Variants in SLC25A28 observed in about 807,000 individuals in gnomAD.
SLC25A28 encodes mitoferrin-2.
SLC25A28 carries 10 observed loss-of-function variants against 31.9 expected under a neutral mutation model. That is an observed-to-expected ratio of 0.31 (90% CI 0.19 to 0.53). The LOEUF (loss-of-function observed/expected upper bound fraction) is 0.53, where lower values mean the gene tolerates loss of function less well. SLC25A28 is among the 20% of genes least tolerant of loss of function. The probability of loss-of-function intolerance (pLI) is 0.95; values close to 1 mark genes in which losing one functional copy is unlikely to be tolerated. For missense variants in SLC25A28, 256 were observed against 490.3 expected, an observed-to-expected ratio of 0.52 and a Z score of 4.51; for synonymous variants, 208 against 203.6, an observed-to-expected ratio of 1.02 and a Z score of -0.19.
chr10:99,633,756 TCTAGGGCAC>T, the SLC25A28 span, among the ~76,000 whole-genome samples: 2 of 151,762 alleles, frequency 1.3e-5, no homozygotes, highest in Admixed American at 1.3e-4. Context: ...ACTTGGGAGT[TCTAGGGCAC>T]CACTCGCCGC....
rs2034590537 is a variant in SLC25A28 at position 99,613,943 on chromosome 10, G to C, written c.292-19C>G. On this transcript the variant is annotated intron_variant, in intron 1 of 3. Coordinates refer to ENST00000370495, the MANE Select transcript of SLC25A28 (RefSeq NM_031212.4). This position sits in a 1 kb window ranked among gnomAD's most constrained non-coding sequence, Gnocchi z 4.9. ...TCCGGGTCTGAAATTACAGCAAGGA[G>C]AAGCGCAATGTCAGCAATGCCAACT... is the stretch of plus-strand genomic sequence containing the variant. 6.3e-7 allele frequency: 1 copy of C among 1,577,372 alleles called. No homozygotes were observed. Among genetic ancestry groups the C allele is most frequent in the East Asian group, 2.3e-5 (1 of 44,020 alleles).
the SLC25A28 span, among the ~76,000 whole-genome samples, chr10:99,631,171 G>T: frequency 1.3e-5 from 2 of 152,100 alleles, no homozygotes; most frequent in African/African-American, 4.8e-5. Context: ...TCAAGGGATT[G>T]GTTTATATTT....
chr10:99,620,108 C>T lies in SLC25A28; in HGVS notation c.228G>A (p.Met76Ile), dbSNP rs1477817139. The stretch of plus-strand genomic sequence containing the variant: ...GGATCCCTGCCACGGCGCCTGCCAC[C>T]ATGTGCGTGGTGACAGTGGCTCCAG... ...LPAGATVTTHMVAGAVAGILE... is the reference protein window; with the variant it reads ...LPAGATVTTHIVAGAVAGILE... The change falls in exon 1 of 4, where the codon ATG (methionine) becomes ATA (isoleucine). Residue 76 changes from methionine (M) to isoleucine (I), a missense_variant. By Grantham distance (10) the Met-to-Ile change is conservative. This residue lies in a region of SLC25A28 where 41 missense variants were observed against 41.7 expected (regional missense o/e 0.98). Coordinates refer to ENST00000370495, the MANE Select transcript of SLC25A28 (RefSeq NM_031212.4). The T allele has an allele frequency of 1.3e-6, 2 of 1,585,994 alleles. No homozygotes were observed. The highest frequency in any genetic ancestry group is 1.7e-6 in the Non-Finnish European group (2 of 1,173,746).
chr10:99,612,624 C>T, intron 2 of SLC25A28, 25 bp from the exon 3 acceptor site: 1 of 1,614,132 alleles, frequency 6.2e-7, no homozygotes, highest in Non-Finnish European at 8.5e-7. Context: ...ACAACTGCCA[C>T]ATGTAAGGCC....
chr10:99,625,272 G>C (rs543419157), upstream of SLC25A28, among the ~76,000 whole-genome samples: 202 of 152,162 alleles, frequency 1.3e-3, no homozygotes, highest in African/African-American at 4.3e-3. Context: ...GCAGGTTGCT[G>C]CTGCTGGCTA....
chr10:99,644,925 T>C, the SLC25A28 span, among the ~76,000 whole-genome samples: 2 of 152,254 alleles, frequency 1.3e-5, no homozygotes, highest in Non-Finnish European at 2.9e-5. Context: ...AGAGATCCGC[T>C]GTTAGTTTGA....
At chr10:99,615,945 G>A (rs898361709) in intron 1 of SLC25A28, 1 of 985,356 alleles carries the variant, frequency 1.0e-6, no homozygotes, top group Non-Finnish European at 1.2e-6. Context: ...CCGGACTGTG[G>A]GAAGCTACTT....
the SLC25A28 span, among the ~76,000 whole-genome samples, chr10:99,646,590 C>T: frequency 1.3e-5 from 2 of 152,200 alleles, no homozygotes; most frequent in Non-Finnish European, 2.9e-5. Flanking sequence ...TGAGATGAAC[C>T]CAGTACCTCA....
the SLC25A28 span, among the ~76,000 whole-genome samples, chr10:99,630,341 C>T: frequency 6.6e-6 from 1 of 152,020 alleles, no homozygotes; most frequent in Admixed American, 6.5e-5. Context: ...ACCACGTTGG[C>T]GAGGCTGGTC....
At chr10:99,646,516 G>T in the SLC25A28 span, among the ~76,000 whole-genome samples, 130 of 152,334 alleles carry the variant, frequency 8.5e-4, no homozygotes, top group African/African-American at 2.6e-3. Flanking sequence ...CCCAGGTGAG[G>T]TGATGCTCCA....
chr10:99,657,553 T>C, the SLC25A28 span, among the ~76,000 whole-genome samples: 1 of 152,046 alleles, frequency 6.6e-6, no homozygotes, highest in Non-Finnish European at 1.5e-5. Flanking sequence ...ATTAGGAAGT[T>C]CAACAAGGTT....
At chr10:99,618,773 C>T in intron 1 of SLC25A28, 1 of 985,388 alleles carries the variant, frequency 1.0e-6, no homozygotes, top group Non-Finnish European at 1.2e-6. Context: ...AATGAGCGCT[C>T]CCCCCATTTC....
intron 1 of SLC25A28, chr10:99,617,176 G>T (rs2034677072): frequency 1.0e-6 from 1 of 985,254 alleles, no homozygotes; most frequent in Admixed American, 6.1e-5. Context: ...TGACTGTTTT[G>T]GGTTGCAGAA....
chr10:99,615,769 T>C, intron 1 of SLC25A28: 1 of 985,416 alleles, frequency 1.0e-6, no homozygotes, highest in Non-Finnish European at 1.2e-6. Flanking sequence ...AAAGATAAAT[T>C]GAGCCTCTTA....
the SLC25A28 span, among the ~76,000 whole-genome samples, chr10:99,655,457 A>G: frequency 6.6e-6 from 1 of 152,220 alleles, no homozygotes; most frequent in Non-Finnish European, 1.5e-5. Flanking sequence ...ATAGGTAGGA[A>G]TTATACTTCC....
At chr10:99,636,662 C>T in the SLC25A28 span, among the ~76,000 whole-genome samples, 1 of 152,194 alleles carries the variant, frequency 6.6e-6, no homozygotes, top group East Asian at 1.9e-4. Context: ...ACTATGAACA[C>T]CTTTATGCAC....
chr10:99,618,609 T>A (rs1200914246), intron 1 of SLC25A28: 2 of 985,338 alleles, frequency 2.0e-6, no homozygotes, highest in East Asian at 2.3e-4. Context: ...GATTTTACAG[T>A]TTATTTCTAT....
intron 2 of SLC25A28, 69 bp from the exon 3 acceptor site, chr10:99,612,668 TGAAGGG>T: frequency 1.3e-6 from 2 of 1,553,664 alleles, no homozygotes; most frequent in Non-Finnish European, 1.8e-6. Flanking sequence ...GGTCCCCCAG[TGAAGGG>T]GAGTGGCTGT....
At chr10:99,619,937 G>C in intron 1 of SLC25A28, 108 bp downstream of exon 1, 1 of 1,203,726 alleles carries the variant, frequency 8.3e-7, no homozygotes, top group Non-Finnish European at 1.1e-6. Context: ...GCAGGAGCCA[G>C]GAAGGAACCC....
Sources: allele counts gnomAD v4.1 joint callset (sites outside exome capture counted in the v4.1 genomes callset), GRCh38; gene constraint gnomAD v4.1.1; regional missense constraint gnomAD v4.1.1; non-coding constraint Gnocchi (gnomAD v3.1); transcripts MANE v1.5; gene names NCBI Gene and HGNC (gene_info 2026-07-23, HGNC 2026-07-21).